Variants in ANKRD12 observed in about 807,000 individuals in gnomAD.
ANKRD12 encodes ankyrin repeat domain 12.
In ANKRD12, 85 loss-of-function variants were observed where a neutral mutation model predicts 183.4. That is an observed-to-expected ratio of 0.46 (90% CI 0.39 to 0.56). ANKRD12 has a LOEUF of 0.56. ANKRD12 is among the 20% of genes least tolerant of loss of function. The probability of loss-of-function intolerance (pLI) is 0.00; values close to 1 mark genes in which losing one functional copy is unlikely to be tolerated. For synonymous variants in ANKRD12, 914 were observed against 800.2 expected, an observed-to-expected ratio of 1.14 and a Z score of -2.40; for missense variants, 2,405 against 2,357.1, an observed-to-expected ratio of 1.02 and a Z score of -0.42.
chr18:9,176,199 A>G (rs2033252463), intron 1 of ANKRD12, among the ~76,000 whole-genome samples: 2 of 152,226 alleles, frequency 1.3e-5, no homozygotes, highest in African/African-American at 4.8e-5. Context: ...TTGTTTGCCT[A>G]ATATCTTTGA....
chr18:9,150,689 T>C (rs2143562994), intron 1 of ANKRD12, among the ~76,000 whole-genome samples: 2 of 152,314 alleles, frequency 1.3e-5, no homozygotes, highest in South Asian at 4.1e-4. Context: ...AGTCTCGCCC[T>C]GTTGCCCAGG....
chr18:9,187,127 T>G (rs950820917), intron 2 of ANKRD12, among the ~76,000 whole-genome samples: 1 of 152,056 alleles, frequency 6.6e-6, no homozygotes, highest in African/African-American at 2.4e-5. Context: ...TTTTTCCCCA[T>G]AACATTTTTA....
intron 1 of ANKRD12, among the ~76,000 whole-genome samples, chr18:9,157,573 G>C (rs1205907885): frequency 8.9e-6 from 1 of 112,156 alleles, no homozygotes; most frequent in Admixed American, 8.9e-5. Context: ...GTGTGTGTGT[G>C]TGTGTGTGTG....
intron 8 of ANKRD12, among the ~76,000 whole-genome samples, chr18:9,236,241 G>A (rs2037338126): frequency 6.6e-6 from 1 of 152,180 alleles, no homozygotes; most frequent in Non-Finnish European, 1.5e-5. Flanking sequence ...AAAAAATTGT[G>A]AAGGTGGCAA....
chr18:9,247,832 C>T (rs2038054466), intron 8 of ANKRD12, among the ~76,000 whole-genome samples: 1 of 151,588 alleles, frequency 6.6e-6, no homozygotes, highest in African/African-American at 2.4e-5. Context: ...GATGGAGTTT[C>T]ATTCTTGTTG....
chr18:9,268,652 C>G (rs1353397556), intron 10 of ANKRD12, among the ~76,000 whole-genome samples: 1 of 152,102 alleles, frequency 6.6e-6, no homozygotes, highest in Non-Finnish European at 1.5e-5. Flanking sequence ...ATGACACACC[C>G]ACAGCCAATA....
intron 1 of ANKRD12, among the ~76,000 whole-genome samples, chr18:9,176,700 C>T (rs762430218): frequency 5.9e-5 from 9 of 152,022 alleles, no homozygotes; most frequent in Non-Finnish European, 1.2e-4. Context: ...TTTTGATGTA[C>T]GTATCTTGGT....
In ANKRD12 at chr18:9,262,787, C is replaced by CTTT. The variant is rs71168048; in HGVS notation, c.5665-976_5665-974dup. 5.5e-3 allele frequency among the ~76,000 whole-genome samples: 462 copies of CTTT among 83,726 alleles called. 89 individuals are homozygous for CTTT. Among genetic ancestry groups the CTTT allele is most frequent in the African/African-American group, 0.018 (321 of 17,604 alleles). 54.9% of individuals were successfully genotyped at this position (83,726 alleles called of 152,430 possible). A position where few individuals can be genotyped will look rare whatever the true frequency, so the allele number is the denominator to read the frequency against. Reference sequence around the variant, plus strand: ...GCCACCATGCCCAGCCAAGATGTCCCTTTTTTTTTTTTTTTTTTTTTTTTT... The same window carrying CTTT: ...GCCACCATGCCCAGCCAAGATGTCCCTTTTTTTTTTTTTTTTTTTTTTTTTTTT... On this transcript the variant is annotated intron_variant, in intron 9 of 12. Coordinates refer to ENST00000262126, the MANE Select transcript of ANKRD12 (RefSeq NM_015208.5).
Position 9,257,802 on chromosome 18 carries a change from C to T in ANKRD12, c.4535C>T (p.Ser1512Leu). Residue 1512 changes from serine (S) to leucine (L), a missense_variant, in exon 9 of 13, where the codon TCA (serine) becomes TTA (leucine). Coordinates refer to ENST00000262126, the MANE Select transcript of ANKRD12 (RefSeq NM_015208.5). ...AESISKHMSL[S>L]YVANQEPGIL... The stretch of plus-strand genomic sequence containing the variant: ...TCGATTTCTAAACATATGTCTTTGT[C>T]ATATGTTGCTAATCAAGAGCCAGGT... The T allele has an allele frequency of 6.2e-7, 1 of 1,613,844 alleles. No homozygotes were observed. Among genetic ancestry groups the T allele is most frequent in the Non-Finnish European group, 8.5e-7 (1 of 1,179,936 alleles).
At chr18:9,231,554 G>A (rs1014581225) in intron 8 of ANKRD12, among the ~76,000 whole-genome samples, 5 of 151,614 alleles carry the variant, frequency 3.3e-5, no homozygotes, top group East Asian at 1.9e-4. Context: ...CGTGCCGGGC[G>A]CGGTGGCTCG....
chr18:9,174,673 G>A (rs1003994463), intron 1 of ANKRD12, among the ~76,000 whole-genome samples: 2 of 152,164 alleles, frequency 1.3e-5, no homozygotes, highest in African/African-American at 4.8e-5. Flanking sequence ...GTTGTCTGTG[G>A]GTCATGCCAT....
At chr18:9,211,004 C>T (rs2035773865) in intron 5 of ANKRD12, among the ~76,000 whole-genome samples, 1 of 149,008 alleles carries the variant, frequency 6.7e-6, no homozygotes, top group South Asian at 2.1e-4. Flanking sequence ...TCTAATTTAA[C>T]TTTTTTTTTT....
intron 1 of ANKRD12, among the ~76,000 whole-genome samples, chr18:9,141,213 G>C (rs2078302620): frequency 1.7e-5 from 1 of 60,592 alleles, no homozygotes; most frequent in South Asian, 7.8e-4. Flanking sequence ...TATACTTGTT[G>C]CTGTGGTGGT....
At chr18:9,161,109 T>G (rs986054155) in intron 1 of ANKRD12, among the ~76,000 whole-genome samples, 12 of 151,682 alleles carry the variant, frequency 7.9e-5, no homozygotes, top group African/African-American at 2.9e-4. Flanking sequence ...TGTGTGTGTG[T>G]TGTTGTTGTT....
chr18:9,185,585 T>C (rs1394711766), intron 2 of ANKRD12, among the ~76,000 whole-genome samples: 3 of 152,176 alleles, frequency 2.0e-5, no homozygotes, highest in Non-Finnish European at 1.5e-5. Flanking sequence ...CATATGAGTG[T>C]AAGAACTCAA....
intron 8 of ANKRD12, chr18:9,239,427 A>T: frequency 1.1e-6 from 1 of 887,696 alleles, no homozygotes; most frequent in Non-Finnish European, 1.6e-6. Flanking sequence ...TTTGATTTTC[A>T]CTGATCTTGA....
chr18:9,277,972 T>G (rs575216998), intron 11 of ANKRD12, among the ~76,000 whole-genome samples: 6 of 152,358 alleles, frequency 3.9e-5, no homozygotes, highest in Admixed American at 3.9e-4. Flanking sequence ...AAATTAAGCT[T>G]GCTGAGATCC....
At chr18:9,254,167 G>T in intron 8 of ANKRD12, 44 bp from the exon 9 acceptor site, 2 of 1,440,306 alleles carry the variant, frequency 1.4e-6, no homozygotes, top group South Asian at 1.7e-5. Context: ...TCTGGCAGTT[G>T]TGTTTTGTTT....
intron 7 of ANKRD12, among the ~76,000 whole-genome samples, chr18:9,221,249 G>A (rs1156546450): frequency 8.5e-5 from 13 of 152,110 alleles, no homozygotes; most frequent in African/African-American, 2.7e-4. Context: ...TACGTAATTC[G>A]TTAGAGAAGG....
Sources: gnomAD v4.1 joint callset for allele counts (sites outside exome capture counted in the v4.1 genomes callset) on GRCh38, gnomAD v4.1.1 for gene constraint, MANE v1.5 for transcripts, NCBI Gene and HGNC (gene_info 2026-07-23, HGNC 2026-07-21) for gene names.